LYPLAL1: variants seen among roughly 807,000 people sequenced by gnomAD.
LYPLAL1 encodes lysophospholipase-like protein 1.
A neutral mutation model predicts 19.7 loss-of-function variants in LYPLAL1; 23 were observed. The observed-to-expected ratio is 1.17, with a 90% CI of 0.84 to 1.65. The LOEUF (loss-of-function observed/expected upper bound fraction) is 1.65, where lower values mean the gene tolerates loss of function less well. Among genes scored for constraint, LYPLAL1 ranks in the 40% most tolerant of loss-of-function variants. The pLI is 0.00. For synonymous variants in LYPLAL1, 119 were observed against 96.3 expected (o/e 1.24, Z -1.38); for missense variants, 355 against 279.4 (o/e 1.27, Z -1.93).
At chr1:219,328,530 G>C in the LYPLAL1 span, among the ~76,000 whole-genome samples, 1 of 151,760 alleles carries the variant, frequency 6.6e-6, no homozygotes, top group African/African-American at 2.4e-5. Context: ...TTTTTCTTTT[G>C]TCTGATAGAG....
the LYPLAL1 span, among the ~76,000 whole-genome samples, chr1:219,348,122 T>C: frequency 6.6e-6 from 1 of 152,312 alleles, no homozygotes; most frequent in East Asian, 1.9e-4. Context: ...CAATTTCACA[T>C]GGGAGCCTTG....
At chr1:219,248,481 A>G in the LYPLAL1 span, among the ~76,000 whole-genome samples, 3 of 152,100 alleles carry the variant, frequency 2.0e-5, no homozygotes, top group African/African-American at 4.8e-5. Context: ...CTCCTCTCCT[A>G]TCTGATTTTT....
chr1:219,398,641 T>A, the LYPLAL1 span, among the ~76,000 whole-genome samples: 1 of 152,186 alleles, frequency 6.6e-6, no homozygotes, highest in Non-Finnish European at 1.5e-5. Flanking sequence ...GCTTTTTGAG[T>A]TGTCAGAGTT....
At chr1:219,427,279 G>T in the LYPLAL1 span, among the ~76,000 whole-genome samples, 5 of 152,168 alleles carry the variant, frequency 3.3e-5, no homozygotes, top group Non-Finnish European at 7.3e-5. Flanking sequence ...CCTTATATAT[G>T]TCAGGTTCAG....
the LYPLAL1 span, among the ~76,000 whole-genome samples, chr1:219,240,898 T>G: frequency 2.0e-5 from 3 of 151,776 alleles, no homozygotes; most frequent in Admixed American, 6.6e-5. Context: ...CTTCTAGGCC[T>G]GATCCTTAAA....
At chr1:219,398,879 C>T in the LYPLAL1 span, among the ~76,000 whole-genome samples, 2 of 152,140 alleles carry the variant, frequency 1.3e-5, no homozygotes, top group Middle Eastern at 3.2e-3. Context: ...TTTATTGTGC[C>T]CTGTCTTTGT....
chr1:219,443,131 G>A, the LYPLAL1 span, among the ~76,000 whole-genome samples: 1,953 of 151,492 alleles, frequency 0.013, 37 homozygotes, highest in African/African-American at 0.045. Flanking sequence ...CTGAATGATC[G>A]ATACTTTCTT....
chr1:219,315,004 T>TTG, the LYPLAL1 span, among the ~76,000 whole-genome samples: 30 of 151,252 alleles, frequency 2.0e-4, no homozygotes, highest in African/African-American at 4.4e-4. Flanking sequence ...GGATGGATGT[T>TTG]TGTGTGTGTG....
chr1:219,435,023 GCATGTA>G, the LYPLAL1 span: 1 of 152,168 alleles, frequency 6.6e-6, no homozygotes, highest in East Asian at 1.9e-4. Flanking sequence ...TATCAAGTGA[GCATGTA>G]CATGCAGCAC....
chr1:219,221,625 C>T, the LYPLAL1 span, among the ~76,000 whole-genome samples: 1 of 152,280 alleles, frequency 6.6e-6, no homozygotes, highest in Admixed American at 6.5e-5. Flanking sequence ...GTAGCTGTTT[C>T]AAGGAGGCAA....
At chr1:219,261,198 T>C in the LYPLAL1 span, among the ~76,000 whole-genome samples, 1 of 152,150 alleles carries the variant, frequency 6.6e-6, no homozygotes, top group Non-Finnish European at 1.5e-5. Flanking sequence ...TTTATTCAAT[T>C]ACATTTTTAT....
the LYPLAL1 span, among the ~76,000 whole-genome samples, chr1:219,413,976 T>C: frequency 6.6e-6 from 1 of 152,166 alleles, no homozygotes; most frequent in Admixed American, 6.5e-5. Context: ...GAGAAATAAG[T>C]TAAAAACCAT....
chr1:219,183,592 C>A (rs1313742549), intron 2 of LYPLAL1, among the ~76,000 whole-genome samples: 2 of 151,952 alleles, frequency 1.3e-5, no homozygotes, highest in East Asian at 3.9e-4. Flanking sequence ...TTCAAGTCAA[C>A]TCCCATCTCA....
At chr1:219,216,391 A>G (rs1053186592), downstream of LYPLAL1, among the ~76,000 whole-genome samples, 1 of 152,096 alleles carries the variant, frequency 6.6e-6, no homozygotes, top group African/African-American at 2.4e-5. Flanking sequence ...ATGGAATACA[A>G]TTATTGAAAA....
At chr1:219,406,658 A>C in the LYPLAL1 span, among the ~76,000 whole-genome samples, 2 of 152,242 alleles carry the variant, frequency 1.3e-5, no homozygotes, top group Non-Finnish European at 2.9e-5. Context: ...TTGTTTGTTT[A>C]TCATGAAACC....
At chr1:219,369,779 G>A in the LYPLAL1 span, among the ~76,000 whole-genome samples, 3 of 152,154 alleles carry the variant, frequency 2.0e-5, no homozygotes, top group Non-Finnish European at 4.4e-5. Flanking sequence ...TATATGACAA[G>A]GATAAATGTA....
the LYPLAL1 span, among the ~76,000 whole-genome samples, chr1:219,358,754 G>A: frequency 6.6e-6 from 1 of 152,130 alleles, no homozygotes; most frequent in Non-Finnish European, 1.5e-5. Context: ...CAGCTGAAAT[G>A]AGATTTTGGT....
the LYPLAL1 span, among the ~76,000 whole-genome samples, chr1:219,419,594 C>CACACACACACACACACACAG: frequency 8.6e-4 from 86 of 99,592 alleles, 1 homozygote; most frequent in Non-Finnish European, 1.1e-3. Flanking sequence ...CACACACACA[C>CACACACACACACACACACAG]AGAGAGAGAG....
the LYPLAL1 span, among the ~76,000 whole-genome samples, chr1:219,376,514 T>G: frequency 6.6e-6 from 1 of 152,200 alleles, no homozygotes; most frequent in Non-Finnish European, 1.5e-5. Flanking sequence ...TGAAAGATAC[T>G]ATCAACAGAG....
Sources: allele counts gnomAD v4.1 joint callset (sites outside exome capture counted in the v4.1 genomes callset), GRCh38; gene constraint gnomAD v4.1.1; transcripts MANE v1.5; gene names NCBI Gene and HGNC (gene_info 2026-07-23, HGNC 2026-07-21).